Variants in FRMPD4 observed in about 807,000 individuals in gnomAD.
FRMPD4 encodes the protein FERM and PDZ domain-containing protein 4.
A neutral mutation model predicts 94.1 loss-of-function variants in FRMPD4; 22 were observed. The observed-to-expected ratio is 0.23, with a 90% CI of 0.17 to 0.33. FRMPD4 has a LOEUF of 0.33. Among genes scored for constraint, FRMPD4 ranks in the 10% least tolerant of loss-of-function variants. The probability of loss-of-function intolerance (pLI) is 1.00; values close to 1 mark genes in which losing one functional copy is unlikely to be tolerated. For synonymous variants in FRMPD4, 631 were observed against 548.6 expected (o/e 1.15, Z -2.10); for missense variants, 1,111 against 1,339.9 (o/e 0.83, Z 2.67).
chrX:11,826,035 C>T (rs772979734), intron 1 of FRMPD4, among the ~76,000 whole-genome samples: 26 of 112,054 alleles, frequency 2.3e-4, no homozygotes, highest in Non-Finnish European at 4.3e-4. Flanking sequence ...TAAGCTAATG[C>T]AGTAGATTAT....
intron 4 of FRMPD4, among the ~76,000 whole-genome samples, chrX:12,662,203 T>C (rs1232797091): frequency 9.0e-6 from 1 of 111,312 alleles, no homozygotes; most frequent in African/African-American, 3.3e-5. Flanking sequence ...AGTTTTCTTT[T>C]TTAATATTTT....
intron 2 of FRMPD4, among the ~76,000 whole-genome samples, chrX:12,586,935 C>G (rs1232433408): frequency 1.8e-5 from 2 of 110,886 alleles, no homozygotes; most frequent in African/African-American, 6.6e-5. Flanking sequence ...GAGGGAGATT[C>G]AGAGAGAAAA....
intron 1 of FRMPD4, among the ~76,000 whole-genome samples, chrX:12,332,154 A>G (rs918665430): frequency 4.8e-4 from 36 of 75,366 alleles, no homozygotes; most frequent in Non-Finnish European, 8.4e-4. Flanking sequence ...TATATTTTAT[A>G]TATAATTTAT....
intron 2 of FRMPD4, among the ~76,000 whole-genome samples, chrX:12,599,513 C>G (rs1291720256): frequency 2.7e-5 from 3 of 111,700 alleles, no homozygotes; most frequent in Non-Finnish European, 3.8e-5. Flanking sequence ...TCACTCAAAC[C>G]TGGGGCTACT....
intron 3 of FRMPD4, among the ~76,000 whole-genome samples, chrX:12,613,078 A>C (rs2059198784): frequency 8.9e-6 from 1 of 112,278 alleles, no homozygotes; most frequent in African/African-American, 3.2e-5. Context: ...AAGTAATAGC[A>C]ATAATATTTG....
At chrX:12,346,017 T>C (rs895891831) in intron 1 of FRMPD4, among the ~76,000 whole-genome samples, 2 of 104,873 alleles carry the variant, frequency 1.9e-5, no homozygotes, top group African/African-American at 7.4e-5. Flanking sequence ...ATACCTTTTG[T>C]ATGAGAATTT....
At chrX:12,044,800 C>A in intron 3 of FRMPD4, among the ~76,000 whole-genome samples, 1 of 112,128 alleles carries the variant, frequency 8.9e-6, no homozygotes, top group Admixed American at 9.5e-5. Flanking sequence ...CTGAATTTGC[C>A]TTAAGAAGCA....
intron 2 of FRMPD4, among the ~76,000 whole-genome samples, chrX:12,599,962 T>C (rs926345060): frequency 9.0e-6 from 1 of 111,659 alleles, no homozygotes; most frequent in African/African-American, 3.3e-5. Flanking sequence ...TTTTAATCAC[T>C]CAAATATTTT....
At chrX:12,139,847 A>G (rs901261224) in intron 1 of FRMPD4, among the ~76,000 whole-genome samples, 1 of 111,634 alleles carries the variant, frequency 9.0e-6, no homozygotes, top group African/African-American at 3.3e-5. Flanking sequence ...GTGGTCTTAG[A>G]AAACCATGCC....
intron 3 of FRMPD4, among the ~76,000 whole-genome samples, chrX:12,132,033 C>A (rs2055556757): frequency 9.0e-6 from 1 of 111,624 alleles, no homozygotes; most frequent in South Asian, 3.7e-4. Flanking sequence ...AACACATGCA[C>A]ACAAGGTGAA....
intron 1 of FRMPD4, among the ~76,000 whole-genome samples, chrX:12,361,888 A>C (rs937920172): frequency 9.0e-6 from 1 of 111,047 alleles, no homozygotes; most frequent in Non-Finnish European, 1.9e-5. Flanking sequence ...CATCACTCCA[A>C]TCTCTGCCTG....
rs1179347328 is a variant in FRMPD4 at position 11,839,507 on chromosome X, A to G, written c.-161+16792A>G. 5.4e-5 allele frequency among the ~76,000 whole-genome samples: 6 copies of G among 111,417 alleles called. No individual in the cohort carries two copies. In the East Asian group the frequency reaches 1.7e-3, roughly 31 times the overall value. ...ATTCTATATAAAAGCCCTTTATTAGATATATGATTTGTAATATTTTATTCT... is the reference window on the plus strand; with the variant it reads ...ATTCTATATAAAAGCCCTTTATTAGGTATATGATTTGTAATATTTTATTCT... On this transcript the variant is annotated intron_variant, in intron 1 of 18. Transcript: ENST00000640291.
At chrX:12,628,604 A>C (rs1202496007) in intron 4 of FRMPD4, among the ~76,000 whole-genome samples, 3 of 112,609 alleles carry the variant, frequency 2.7e-5, no homozygotes, top group East Asian at 2.8e-4. Flanking sequence ...TGTGCTCTTT[A>C]ATTCTTCAAG....
At chrX:12,165,642 G>T (rs1315248941) in intron 1 of FRMPD4, among the ~76,000 whole-genome samples, 1 of 111,702 alleles carries the variant, frequency 9.0e-6, no homozygotes, top group African/African-American at 3.3e-5. Context: ...ACCTTGGGCA[G>T]TATGGCCATT....
chrX:12,494,963 TCAGATAGAAGTCA>T, intron 1 of FRMPD4: 1 of 609,660 alleles, frequency 1.6e-6, no homozygotes, highest in Non-Finnish European at 2.0e-6. Context: ...AGCCATGCTC[TCAGATAGAAGTCA>T]CAGGACATCA....
intron 1 of FRMPD4, among the ~76,000 whole-genome samples, chrX:12,426,440 A>G (rs941248951): frequency 3.6e-5 from 4 of 111,465 alleles, no homozygotes; most frequent in African/African-American, 9.8e-5. Flanking sequence ...CTGATTATTC[A>G]TGGAATGGGA....
intron 1 of FRMPD4, among the ~76,000 whole-genome samples, chrX:12,448,210 T>C (rs767301791): frequency 5.3e-5 from 6 of 112,419 alleles, no homozygotes; most frequent in Non-Finnish European, 9.4e-5. Flanking sequence ...TGAATTCCTA[T>C]TTCTGATAAA....
intron 14 of FRMPD4, among the ~76,000 whole-genome samples, chrX:12,715,448 C>T (rs1432692121): frequency 8.9e-6 from 1 of 111,909 alleles, no homozygotes; most frequent in African/African-American, 3.2e-5. Context: ...GGCATGCATG[C>T]TGACATTTAT....
intron 1 of FRMPD4, among the ~76,000 whole-genome samples, chrX:12,342,433 C>A (rs1277317868): frequency 9.0e-6 from 1 of 111,519 alleles, no homozygotes; most frequent in African/African-American, 3.3e-5. Flanking sequence ...CCCAGGGTAA[C>A]AACTATCAGT....
Sources: allele counts gnomAD v4.1 joint callset (sites outside exome capture counted in the v4.1 genomes callset), GRCh38; gene constraint gnomAD v4.1.1; transcripts MANE v1.5; gene names NCBI Gene and HGNC (gene_info 2026-07-23, HGNC 2026-07-21).